WASHC2C: variants seen among roughly 807,000 people sequenced by gnomAD.
WASHC2C encodes the protein Vaccinia Penetration Factor.
WASHC2C carries 73 observed loss-of-function variants against 142.2 expected under a neutral mutation model. That is an observed-to-expected ratio of 0.51 (90% CI 0.43 to 0.62). The LOEUF (loss-of-function observed/expected upper bound fraction) is 0.62. WASHC2C is among the 20% of genes least tolerant of loss of function. The probability of loss-of-function intolerance (pLI) is 0.00; values close to 1 mark genes in which losing one functional copy is unlikely to be tolerated. For synonymous variants in WASHC2C, 337 were observed against 565.5 expected, an observed-to-expected ratio of 0.60 and a Z score of 5.73; for missense variants, 969 against 1,531.7, an observed-to-expected ratio of 0.63 and a Z score of 6.13.
chr10:45,783,849 A>G (rs1390069259), intron 23 of WASHC2C, among the ~76,000 whole-genome samples: 4 of 152,174 alleles, frequency 2.6e-5, no homozygotes, highest in Non-Finnish European at 4.4e-5. Context: ...TATCAAACCA[A>G]TAATGTTGAT....
At chr10:45,761,522 G>A (rs1195972540) in intron 17 of WASHC2C, among the ~76,000 whole-genome samples, 1 of 152,194 alleles carries the variant, frequency 6.6e-6, no homozygotes, top group Non-Finnish European at 1.5e-5. Flanking sequence ...ATCATAGAGT[G>A]AATGTTTTTA....
chr10:45,764,393 G>T (rs2055531520), intron 18 of WASHC2C, among the ~76,000 whole-genome samples: 2 of 151,708 alleles, frequency 1.3e-5, no homozygotes, highest in Admixed American at 1.3e-4. Context: ...TGTAGAAGTG[G>T]ACCTGTGCAG....
At chr10:45,783,041 C>A (rs2057643955) in intron 23 of WASHC2C, among the ~76,000 whole-genome samples, 1 of 151,492 alleles carries the variant, frequency 6.6e-6, no homozygotes, top group African/African-American at 2.4e-5. Flanking sequence ...TCTGAATATA[C>A]CAAAAAATCA....
intron 19 of WASHC2C, 100 bp from the exon 20 acceptor site, chr10:45,769,349 A>C: frequency 6.9e-7 from 1 of 1,447,362 alleles, no homozygotes; most frequent in East Asian, 2.7e-5. Context: ...TGATCTGCTG[A>C]TCTCGTGATT....
In WASHC2C at chr10:45,786,612, G is replaced by T. The variant is rs1378096325; in HGVS notation, c.2812G>T (p.Asp938Tyr). 8.1e-6 allele frequency: 13 copies of T among 1,611,114 alleles called. No homozygotes were observed. The Admixed American group carries it at 1.3e-4, about 17-fold the overall frequency. Residue 938 changes from aspartate to tyrosine, a missense_variant and splice_region_variant, in exon 27 of 31, where the codon GAC becomes TAC. Coordinates refer to ENST00000623400, the MANE Select transcript of WASHC2C (RefSeq NM_001330074.2). ...KGIWKPETPQDSSGLAPFKTK... is the reference protein window; with the variant it reads ...KGIWKPETPQYSSGLAPFKTK... Reference sequence around the variant, plus strand: ...TTTAACTGGATGTAATCTTACACAGGACTCATCAGGTCTCGCTCCATTTAA... The same window carrying T: ...TTTAACTGGATGTAATCTTACACAGTACTCATCAGGTCTCGCTCCATTTAA...
intron 16 of WASHC2C, among the ~76,000 whole-genome samples, chr10:45,758,603 CTTCTT>C (rs1564758029): frequency 5.0e-5 from 7 of 139,488 alleles, no homozygotes; most frequent in Non-Finnish European, 3.2e-5. Context: ...CATCATTCTT[CTTCTT>C]TTTTTTTTTT....
intron 19 of WASHC2C, among the ~76,000 whole-genome samples, chr10:45,766,554 C>A (rs1201809527): frequency 6.9e-6 from 1 of 145,228 alleles, no homozygotes; most frequent in African/African-American, 2.6e-5. Context: ...TAGCATGTCC[C>A]GTATACCCCA....
intron 21 of WASHC2C, among the ~76,000 whole-genome samples, chr10:45,775,796 A>G (rs1442222194): frequency 6.7e-6 from 1 of 149,504 alleles, no homozygotes; most frequent in Non-Finnish European, 1.5e-5. Flanking sequence ...ATTCTGCCTC[A>G]GCCTCCCTAG....
intron 3 of WASHC2C, among the ~76,000 whole-genome samples, chr10:45,736,456 C>T (rs1203001809): frequency 6.9e-5 from 10 of 144,118 alleles, no homozygotes; most frequent in Admixed American, 2.1e-4. Flanking sequence ...ACAAATTAGC[C>T]GGGTGTGGTG....
rs1554880914 is a variant in WASHC2C at position 45,763,450 on chromosome 10, C to T, written c.1698C>T (p.Leu566=). The stretch of plus-strand genomic sequence containing the variant: ...GTGCATCTCTGCTGCCTGGCAAGCT[C>T]CCCACGTCGGTTTCCCTGTTTGATG... ...LKGASLLPGK[L]PTSVSLFDDE... Residue 566 remains leucine, a synonymous_variant, in exon 18 of 31, where the codon CTC becomes CTT. Transcript: ENST00000623400. The T allele has an allele frequency of 2.1e-6, 2 of 971,378 alleles. No individual in the cohort carries two copies. The highest frequency in any genetic ancestry group is 1.7e-5 in the African/African-American group (1 of 59,572). 60.2% of individuals were successfully genotyped at this position (971,378 alleles called of 1,614,324 possible). A position where few individuals can be genotyped will look rare whatever the true frequency, so the allele number is the denominator to read the frequency against.
chr10:45,770,497 T>C (rs2135380915), intron 20 of WASHC2C, among the ~76,000 whole-genome samples: 1 of 150,882 alleles, frequency 6.6e-6, no homozygotes, highest in South Asian at 2.1e-4. Flanking sequence ...ATACTTTTTT[T>C]CCTTTTGAAA....
rs1564824533 is a variant in WASHC2C, at chr10:45,785,591, G to T, written c.2771G>T (p.Gly924Val). The T allele has an allele frequency of 3.7e-6, 6 of 1,613,862 alleles. No individual in the cohort carries two copies. Among genetic ancestry groups the T allele is most frequent in the Non-Finnish European group, 4.2e-6 (5 of 1,179,858 alleles). Reference sequence around the variant, plus strand: ...CAGAAACATCCTGAATCCATTCAAGGTAGTAAAGAAAAAGGCATATGGAAG... The same window carrying T: ...CAGAAACATCCTGAATCCATTCAAGTTAGTAAAGAAAAAGGCATATGGAAG... ...KNQKHPESIQ[G>V]SKEKGIWKPE... Residue 924 changes from glycine (G) to valine (V), a missense_variant, in exon 26 of 31, where the codon GGT (glycine) becomes GTT (valine). By Grantham distance (109) the Gly-to-Val change is moderately radical. Transcript: ENST00000623400.
At chr10:45,736,107 TAA>T (rs113659681) in intron 3 of WASHC2C, among the ~76,000 whole-genome samples, 60 of 139,792 alleles carry the variant, frequency 4.3e-4, no homozygotes, top group East Asian at 6.2e-4. Context: ...CCATCTCTAC[TAA>T]AAAAAAAAAA....
intron 19 of WASHC2C, among the ~76,000 whole-genome samples, chr10:45,766,876 G>A (rs2596992): frequency 2.6e-5 from 4 of 152,220 alleles, no homozygotes; most frequent in African/African-American, 7.2e-5. Context: ...AGGCAAGTTA[G>A]TAGGGGGTGA....
At chr10:45,741,292 A>G (rs2052016058) in intron 5 of WASHC2C, among the ~76,000 whole-genome samples, 1 of 152,068 alleles carries the variant, frequency 6.6e-6, no homozygotes, top group Admixed American at 6.6e-5. Flanking sequence ...TTTCTCTTCC[A>G]GTTTGAGCTT....
chr10:45,765,936 A>G lies in WASHC2C; in HGVS notation c.1869+126A>G, dbSNP rs554596666. 1.0e-3 allele frequency: 1,432 copies of G among 1,417,826 alleles called. 5 individuals are homozygous for G. Among genetic ancestry groups the G allele is most frequent in the Non-Finnish European group, 1.2e-3 (1,274 of 1,043,868 alleles). The allele number at this position is 1,417,826 out of a possible 1,614,324, so 87.8% of individuals were successfully genotyped here. A position where few individuals can be genotyped will look rare whatever the true frequency, so the allele number is the denominator to read the frequency against. The stretch of plus-strand genomic sequence containing the variant: ...TTCAGTCACCAAAGGCGATGTTCAC[A>G]AGATTGTCTTTTCTGAAGGAAGACA... On this transcript the variant is annotated intron_variant, in intron 19 of 30. Coordinates refer to ENST00000623400, the MANE Select transcript of WASHC2C (RefSeq NM_001330074.2).
intron 15 of WASHC2C, 131 bp from the exon 16 acceptor site, chr10:45,756,881 C>A: frequency 1.3e-6 from 1 of 760,266 alleles, no homozygotes; most frequent in Middle Eastern, 3.9e-4. Flanking sequence ...CTTACTATTT[C>A]TTTATAACTA....
At position 45,779,170 on chromosome 10, in the gene WASHC2C, A is replaced by G. The variant is rs1338494921; in HGVS notation, c.2478+35A>G. The G allele has an allele frequency of 3.7e-6, 6 of 1,611,882 alleles. No homozygotes were observed. In the South Asian group the frequency reaches 4.4e-5, roughly 12 times the overall value. ...AAGCAGTAGTGGTTCAAGTCTCTGG[A>G]TGAGATAAAAGACTCTCATCTCATG... is the stretch of plus-strand genomic sequence containing the variant. On this transcript the variant is annotated intron_variant, in intron 23 of 30. Transcript: ENST00000623400.
At position 45,734,174 on chromosome 10, in the gene WASHC2C, G is replaced by A. The variant is rs1353278453; in HGVS notation, c.292-3809G>A. Among the ~76,000 whole-genome samples the A allele has an allele frequency of 5.3e-5, 8 of 152,190 alleles. No individual in the cohort carries two copies. In the East Asian group the frequency reaches 1.5e-3, roughly 29 times the overall value. On this transcript the variant is annotated intron_variant, in intron 3 of 30. Coordinates refer to ENST00000623400, the MANE Select transcript of WASHC2C (RefSeq NM_001330074.2). ...CGGGAGGCAGAGCTTGCAGTGAGCC[G>A]AGATCCCGCCACTGCACTTCAGCCA...
Sources: allele counts gnomAD v4.1 joint callset (sites outside exome capture counted in the v4.1 genomes callset), GRCh38; gene constraint gnomAD v4.1.1; transcripts MANE v1.5; gene names NCBI Gene and HGNC (gene_info 2026-07-23, HGNC 2026-07-21).